PACRG: variants seen among roughly 807,000 people sequenced by gnomAD.
PACRG encodes the protein parkin coregulated gene protein.
Under a neutral mutation model 29.7 loss-of-function variants are expected in PACRG, and 29 were observed. The observed-to-expected ratio is 0.98, with a 90% CI of 0.73 to 1.33. The LOEUF (loss-of-function observed/expected upper bound fraction) is 1.33. Ranked by LOEUF, PACRG falls within the 40% of genes most tolerant of loss-of-function variation. The pLI is 0.00. For synonymous variants in PACRG, 116 were observed against 118.7 expected (o/e 0.98, Z 0.15); for missense variants, 279 against 316.2 (o/e 0.88, Z 0.89).
intron 1 of PACRG, among the ~76,000 whole-genome samples, chr6:162,786,721 TG>T (rs1223318531): frequency 1.5e-5 from 2 of 137,250 alleles, no homozygotes; most frequent in African/African-American, 5.0e-5. Context: ...GAATAGCAAG[TG>T]GTTTTTTTTT....
At chr6:163,254,514 C>G (rs1372549720) in intron 4 of PACRG, among the ~76,000 whole-genome samples, 3 of 152,204 alleles carry the variant, frequency 2.0e-5, no homozygotes, top group Non-Finnish European at 4.4e-5. Flanking sequence ...TGAGCCCTCC[C>G]GTCAGCACAT....
chr6:163,313,509 A>G (rs948433273), intron 4 of PACRG, among the ~76,000 whole-genome samples: 1 of 152,208 alleles, frequency 6.6e-6, no homozygotes, highest in African/African-American at 2.4e-5. Context: ...GGTCTGAACC[A>G]TTACTAAGTC....
At chr6:163,163,033 A>G (rs560411521) in intron 4 of PACRG, among the ~76,000 whole-genome samples, 1 of 152,244 alleles carries the variant, frequency 6.6e-6, no homozygotes, top group African/African-American at 2.4e-5. Flanking sequence ...TGTCCTAACC[A>G]AGTTTCGTTA....
At chr6:162,981,430 A>T (rs969435848) in intron 2 of PACRG, among the ~76,000 whole-genome samples, 1 of 151,958 alleles carries the variant, frequency 6.6e-6, no homozygotes, top group Non-Finnish European at 1.5e-5. Flanking sequence ...TGTTTTCATG[A>T]CTATGGCCTT....
chr6:162,939,917 G>A (rs1275627194), intron 2 of PACRG, among the ~76,000 whole-genome samples: 1 of 152,054 alleles, frequency 6.6e-6, no homozygotes, highest in Non-Finnish European at 1.5e-5. Flanking sequence ...AGTTCATACT[G>A]GTAATTATAT....
At chr6:163,228,378 GCAAAAAAA>G (rs1781890654) in intron 4 of PACRG, among the ~76,000 whole-genome samples, 1 of 29,324 alleles carries the variant, frequency 3.4e-5, no homozygotes, top group Non-Finnish European at 5.8e-5. Flanking sequence ...CTTTAAGCAG[GCAAAAAAA>G]AAAAAAAAAA....
chr6:162,947,462 TC>T (rs1205089454), intron 2 of PACRG, among the ~76,000 whole-genome samples: 1 of 23,496 alleles, frequency 4.3e-5, no homozygotes, highest in East Asian at 5.4e-4. Flanking sequence ...ATATATATAA[TC>T]ATATATAATA....
At chr6:162,909,955 A>C (rs1010708958) in intron 2 of PACRG, among the ~76,000 whole-genome samples, 2 of 152,194 alleles carry the variant, frequency 1.3e-5, no homozygotes, top group Non-Finnish European at 2.9e-5. Flanking sequence ...GTATATGAAG[A>C]AGCACTTGAG....
At chr6:163,112,955 A>G (rs1815791939) in intron 4 of PACRG, among the ~76,000 whole-genome samples, 1 of 152,222 alleles carries the variant, frequency 6.6e-6, no homozygotes, top group Admixed American at 6.5e-5. Flanking sequence ...TTTAAAAACA[A>G]CTATCTTAAA....
chr6:162,757,165 A>C (rs536824185), intron 1 of PACRG, among the ~76,000 whole-genome samples: 104 of 152,170 alleles, frequency 6.8e-4, no homozygotes, highest in Admixed American at 1.2e-3. Flanking sequence ...AGTTTATTTG[A>C]AGTTTAAATC....
At chr6:163,084,367 C>G (rs1813347954) in intron 3 of PACRG, among the ~76,000 whole-genome samples, 1 of 152,126 alleles carries the variant, frequency 6.6e-6, no homozygotes, top group Non-Finnish European at 1.5e-5. Context: ...TCCGCTGTGA[C>G]AGTAAGAACA....
At chr6:163,097,893 G>A (rs1377083034) in intron 4 of PACRG, among the ~76,000 whole-genome samples, 2 of 152,142 alleles carry the variant, frequency 1.3e-5, no homozygotes, top group Non-Finnish European at 2.9e-5. Context: ...AGGACTGGGA[G>A]GGTATGGAAT....
chr6:163,255,391 C>T (rs1349811123), intron 4 of PACRG, among the ~76,000 whole-genome samples: 1 of 152,176 alleles, frequency 6.6e-6, no homozygotes, highest in Non-Finnish European at 1.5e-5. Flanking sequence ...CAGGAGGTGA[C>T]TGACGGGCAG....
In PACRG at chr6:162,860,833, T is replaced by C. The variant is rs562252361; in HGVS notation, c.291+46552T>C. On this transcript the variant is annotated intron_variant, in intron 2 of 4. Transcript: ENST00000366888. ...TTCTCTCCTTGTCCTGGTACTGCCT[T>C]TGAAGAATTTCCATGTTGAGGGTAA... Among the ~76,000 whole-genome samples, 4 of 152,314 alleles carry C rather than the reference T, an allele frequency of 2.6e-5. No individual in the cohort carries two copies. In the East Asian group the frequency reaches 7.7e-4, roughly 29 times the overall value.
chr6:163,033,423 G>A (rs1029364340), intron 2 of PACRG, among the ~76,000 whole-genome samples: 1 of 152,200 alleles, frequency 6.6e-6, no homozygotes, highest in African/African-American at 2.4e-5. Flanking sequence ...AAAGCATTTA[G>A]TAAACTTAAT....
chr6:163,121,548 C>T (rs1816270260), intron 4 of PACRG, among the ~76,000 whole-genome samples: 1 of 152,068 alleles, frequency 6.6e-6, no homozygotes, highest in South Asian at 2.1e-4. Flanking sequence ...CTCTGAAATA[C>T]ACCTAGTATG....
rs1791070344 is a variant in PACRG, at chr6:162,853,128, G to C, written c.291+38847G>C. ...TATTGTGAAAGGGGAGTAGAGAAAAGAGAACACCAGGGGCTTTCCTGAGCA... is the reference window on the plus strand; with the variant it reads ...TATTGTGAAAGGGGAGTAGAGAAAACAGAACACCAGGGGCTTTCCTGAGCA... On this transcript the variant is annotated intron_variant, in intron 2 of 4. Coordinates refer to ENST00000366888, the MANE Select transcript of PACRG (RefSeq NM_001080379.2). The surrounding 1 kb of genome is among the most constrained non-coding windows in gnomAD (Gnocchi z 4.7). Among the ~76,000 whole-genome samples, 1 of 152,210 alleles carries C rather than the reference G, an allele frequency of 6.6e-6. No homozygotes were observed. Among genetic ancestry groups the C allele is most frequent in the Admixed American group, 6.5e-5 (1 of 15,284 alleles).
intron 2 of PACRG, among the ~76,000 whole-genome samples, chr6:162,906,350 A>T (rs561238915): frequency 2.6e-5 from 4 of 152,340 alleles, no homozygotes; most frequent in Admixed American, 1.3e-4. Flanking sequence ...TCTCCTTGTG[A>T]TGAGCATTTT....
chr6:162,932,225 A>G (rs1368842190), intron 2 of PACRG, among the ~76,000 whole-genome samples: 1 of 152,070 alleles, frequency 6.6e-6, no homozygotes, highest in Non-Finnish European at 1.5e-5. Context: ...TATTACATTT[A>G]TAGTGACAGA....
Sources: allele counts gnomAD v4.1 joint callset (sites outside exome capture counted in the v4.1 genomes callset), GRCh38; gene constraint gnomAD v4.1.1; non-coding constraint Gnocchi (gnomAD v3.1); transcripts MANE v1.5; gene names NCBI Gene and HGNC (gene_info 2026-07-23, HGNC 2026-07-21).